Variants in GLIS3 observed in about 807,000 individuals in gnomAD.
GLIS3 encodes zinc finger protein GLIS3.
Under a neutral mutation model 78.6 loss-of-function variants are expected in GLIS3, and 53 were observed. That is an observed-to-expected ratio of 0.67 (90% CI 0.54 to 0.85). GLIS3 has a LOEUF of 0.85. Among genes scored for constraint, GLIS3 ranks in the 40% least tolerant of loss-of-function variants. The pLI is 0.00. For synonymous variants in GLIS3, 684 were observed against 509.9 expected, an observed-to-expected ratio of 1.34 and a Z score of -4.60; for missense variants, 1,703 against 1,231.1, an observed-to-expected ratio of 1.38 and a Z score of -5.74.
chr9:4,010,489 C>T (rs1297728446), intron 4 of GLIS3, among the ~76,000 whole-genome samples: 2 of 152,114 alleles, frequency 1.3e-5, no homozygotes, highest in Non-Finnish European at 2.9e-5. Context: ...TTATGGTCTA[C>T]CACTGAGAGG....
chr9:4,414,259 C>G, the GLIS3 span, among the ~76,000 whole-genome samples: 17 of 152,276 alleles, frequency 1.1e-4, no homozygotes, highest in East Asian at 3.3e-3. Flanking sequence ...ATTAGATAAT[C>G]CAGCATGAGC....
chr9:4,041,492 T>A (rs1824807005), intron 4 of GLIS3, among the ~76,000 whole-genome samples: 1 of 152,190 alleles, frequency 6.6e-6, no homozygotes, highest in African/African-American at 2.4e-5. Flanking sequence ...GCACCACCAT[T>A]GAGACTCAAT....
the GLIS3 span, among the ~76,000 whole-genome samples, chr9:4,436,760 T>C: frequency 7.5e-6 from 1 of 132,654 alleles, no homozygotes; most frequent in Admixed American, 9.0e-5. Context: ...GAGCCGAGAT[T>C]GCACCATTGG....
chr9:3,925,726 T>C (rs1825175950), intron 6 of GLIS3, among the ~76,000 whole-genome samples: 1 of 152,198 alleles, frequency 6.6e-6, no homozygotes, highest in Non-Finnish European at 1.5e-5. Flanking sequence ...AAAATAATTT[T>C]TGTATTTGCT....
chr9:4,374,819 G>A, the GLIS3 span, among the ~76,000 whole-genome samples: 1 of 152,232 alleles, frequency 6.6e-6, no homozygotes, highest in East Asian at 1.9e-4. Context: ...CTTATTTATT[G>A]CACGCATCTG....
At chr9:3,955,819 A>G (rs1255636812) in intron 4 of GLIS3, among the ~76,000 whole-genome samples, 2 of 152,210 alleles carry the variant, frequency 1.3e-5, no homozygotes, top group Non-Finnish European at 2.9e-5. Context: ...AGAAATTTTC[A>G]TGATAAGTTT....
intron 8 of GLIS3, among the ~76,000 whole-genome samples, chr9:3,870,178 A>G (rs1820878491): frequency 1.3e-5 from 2 of 152,164 alleles, no homozygotes; most frequent in South Asian, 2.1e-4. Flanking sequence ...CCCAATGATC[A>G]ATTAGAAAAT....
At chr9:4,405,870 T>A in the GLIS3 span, among the ~76,000 whole-genome samples, 6 of 152,208 alleles carry the variant, frequency 3.9e-5, no homozygotes, top group African/African-American at 1.4e-4. Context: ...GATCATTCAT[T>A]ATGATCAAAT....
At position 4,084,849 on chromosome 9, in the gene GLIS3, A is replaced by G. The variant is rs369758154; in HGVS notation, c.1710+32919T>C. ...AATCTGTACATCTCAATCCATGCACAGGAATCTTCCAAAATGCTTGGCATT... is the reference window on the plus strand; with the variant it reads ...AATCTGTACATCTCAATCCATGCACGGGAATCTTCCAAAATGCTTGGCATT... On this transcript the variant is annotated intron_variant, in intron 4 of 10. Coordinates refer to ENST00000381971, the MANE Select transcript of GLIS3 (RefSeq NM_001042413.2). Among the ~76,000 whole-genome samples the G allele has an allele frequency of 2.3e-4, 35 of 152,172 alleles. No homozygotes were observed. The South Asian group carries it at 6.9e-3, about 30-fold the overall frequency.
chr9:3,954,597 T>C (rs1356773892), intron 4 of GLIS3, among the ~76,000 whole-genome samples: 2 of 152,232 alleles, frequency 1.3e-5, no homozygotes, highest in African/African-American at 4.8e-5. Context: ...CATATGCAAA[T>C]TTCCTACAGT....
chr9:3,969,568 G>C (rs1441008735), intron 4 of GLIS3, among the ~76,000 whole-genome samples: 4 of 152,200 alleles, frequency 2.6e-5, no homozygotes, highest in African/African-American at 9.7e-5. Flanking sequence ...GGACCATGAA[G>C]TGATTGTTGT....
rs1251051001 is a variant in GLIS3, at chr9:4,298,489, T to C, written c.-99+932A>G. On this transcript the variant is annotated intron_variant, in intron 1 of 10. Coordinates refer to ENST00000381971, the MANE Select transcript of GLIS3 (RefSeq NM_001042413.2). ...TGACTTGTCAGCTCCAGTGAGTAAC[T>C]TGGAACTGTCGCTCGGGGCAAGGTG... 1.1e-5 allele frequency: 5 copies of C among 443,282 alleles called. No homozygotes were observed. In the East Asian group the frequency reaches 3.1e-4, roughly 28 times the overall value. 27.5% of individuals were successfully genotyped at this position (443,282 alleles called of 1,614,324 possible).
intron 2 of GLIS3, among the ~76,000 whole-genome samples, chr9:4,318,961 CTGCCA>C (rs1563931192): frequency 6.6e-6 from 1 of 152,152 alleles, no homozygotes; most frequent in Non-Finnish European, 1.5e-5. Context: ...CATGGTATTC[CTGCCA>C]AAAATGCACA....
At chr9:4,050,636 A>G (rs987059463) in intron 4 of GLIS3, among the ~76,000 whole-genome samples, 3 of 152,154 alleles carry the variant, frequency 2.0e-5, no homozygotes, top group Non-Finnish European at 4.4e-5. Context: ...CTTCCGAGGA[A>G]TGTTTGAAGA....
At position 3,992,261 on chromosome 9, in the gene GLIS3, T is replaced by C. The variant is rs34017449; in HGVS notation, c.1711-55072A>G. Among the ~76,000 whole-genome samples the C allele has an allele frequency of 3.7e-3, 563 of 152,286 alleles. 1 individual carries two copies. Among genetic ancestry groups the C allele is most frequent in the African/African-American group, 0.013 (532 of 41,562 alleles). On this transcript the variant is annotated intron_variant, in intron 4 of 10. Coordinates refer to ENST00000381971, the MANE Select transcript of GLIS3 (RefSeq NM_001042413.2). Reference sequence around the variant, plus strand: ...AAAAAAATATGTTTTCCAGAAGTAATTTTTTGGGGAAAAAGTGATTCATTT... The same window carrying C: ...AAAAAAATATGTTTTCCAGAAGTAACTTTTTGGGGAAAAAGTGATTCATTT...
the GLIS3 span, among the ~76,000 whole-genome samples, chr9:4,422,966 A>G: frequency 1.3e-5 from 2 of 152,186 alleles, no homozygotes; most frequent in African/African-American, 4.8e-5. Context: ...TTTTTGGAGA[A>G]AGAAGCACAT....
chr9:4,462,005 T>C, the GLIS3 span, among the ~76,000 whole-genome samples: 3 of 152,216 alleles, frequency 2.0e-5, no homozygotes, highest in Admixed American at 6.5e-5. Flanking sequence ...TCTACAAATT[T>C]TCTGGTACAG....
intron 6 of GLIS3, among the ~76,000 whole-genome samples, chr9:3,919,655 A>T (rs905738902): frequency 8.6e-5 from 13 of 151,710 alleles, no homozygotes; most frequent in Admixed American, 2.6e-4. Context: ...AAATAAAAAA[A>T]AAAAATTAAA....
chr9:4,270,658 T>C (rs35984463), intron 2 of GLIS3, among the ~76,000 whole-genome samples: 9,277 of 152,290 alleles, frequency 0.061, 400 homozygotes, highest in Non-Finnish European at 0.094. Context: ...CAATACAGTC[T>C]GACAATAAAC....
Sources: allele counts gnomAD v4.1 joint callset (sites outside exome capture counted in the v4.1 genomes callset), GRCh38; gene constraint gnomAD v4.1.1; transcripts MANE v1.5; gene names NCBI Gene and HGNC (gene_info 2026-07-23, HGNC 2026-07-21).